The following DCHS2 variants were observed in gnomAD, a reference collection of about 807,000 sequenced individuals.
DCHS2 encodes dachsous cadherin-related 2, also known as protocadherin-23.
In DCHS2, 142 loss-of-function variants were observed where a neutral mutation model predicts 182.4. That is an observed-to-expected ratio of 0.78 (90% CI 0.68 to 0.89). The LOEUF (loss-of-function observed/expected upper bound fraction) is 0.89. Ranked by LOEUF, DCHS2 falls within the 40% of genes least tolerant of loss-of-function variation. DCHS2 has a pLI of 0.00. For synonymous variants in DCHS2, 1,740 were observed against 1,663.3 expected, an observed-to-expected ratio of 1.05 and a Z score of -1.12; for missense variants, 4,319 against 4,198.6, an observed-to-expected ratio of 1.03 and a Z score of -0.79.
Position 154,333,063 on chromosome 4 carries a change from G to A in DCHS2, c.3145C>T (p.Leu1049Phe), listed in dbSNP as rs548645543. Reference protein sequence around the residue: ...GSLGAGEQRELTLTLRAEDQG... With the variant: ...GSLGAGEQREFTLTLRAEDQG... ...TCCTCGGCCCTGAGAGTCAGCGTGA[G>A]CTCCCGCTGCTCGCCCGCGCCCAGG... is the stretch of plus-strand genomic sequence containing the variant. Residue 1049 changes from leucine to phenylalanine, a missense_variant, in exon 5 of 20, where the codon CTC becomes TTC. Leu to Phe is a conservative substitution (Grantham distance 22). Coordinates refer to ENST00000357232, the MANE Select transcript of DCHS2 (RefSeq NM_001358235.2). The A allele has an allele frequency of 3.6e-5, 58 of 1,614,018 alleles. No individual in the cohort carries two copies. The highest frequency in any genetic ancestry group is 1.6e-4 in the Middle Eastern group (1 of 6,062).
chr4:154,358,567 A>G (rs1729977012), intron 3 of DCHS2, among the ~76,000 whole-genome samples: 1 of 152,202 alleles, frequency 6.6e-6, no homozygotes, highest in South Asian at 2.1e-4. Context: ...GGACAAAGAG[A>G]GGCAAATGTT....
chr4:154,439,235 A>G (rs917224172), intron 1 of DCHS2, among the ~76,000 whole-genome samples: 6 of 152,306 alleles, frequency 3.9e-5, no homozygotes, highest in South Asian at 2.1e-4. Flanking sequence ...TATTTATGCC[A>G]GTATTTTTGT....
chr4:154,256,509 T>TA (rs1472374506), intron 15 of DCHS2, among the ~76,000 whole-genome samples: 1 of 129,194 alleles, frequency 7.7e-6, no homozygotes. Flanking sequence ...GTGTAGATCC[T>TA]AATCATGTAT....
chr4:154,277,440 A>G (rs1012706708), intron 13 of DCHS2, among the ~76,000 whole-genome samples: 2 of 152,162 alleles, frequency 1.3e-5, no homozygotes, highest in Non-Finnish European at 2.9e-5. Context: ...AAAGCCCCTC[A>G]GAAAGAAACT....
rs201832802 is a variant in DCHS2 at position 154,240,738 on chromosome 4, C to G, written c.7158G>C (p.Glu2386Asp). The change falls in exon 18 of 20, where the codon GAG (glutamate) becomes GAC (aspartate). Residue 2386 changes from glutamate to aspartate, a missense_variant. By Grantham distance (45) the Glu-to-Asp change is conservative. Coordinates refer to ENST00000357232, the MANE Select transcript of DCHS2 (RefSeq NM_001358235.2). ...NSAFIFSFAK[E>D]SNPGTKFAID... ...TAGCAAACTTGGTTCCAGGATTACT[C>G]TCTTTGGCAAAACTGAATATGAAAG... is the stretch of plus-strand genomic sequence containing the variant. 14 of 1,613,960 alleles carry G rather than the reference C, an allele frequency of 8.7e-6. No homozygotes were observed. The highest frequency in any genetic ancestry group is 8.3e-5 in the Admixed American group (5 of 59,990).
At chr4:154,354,278 C>T (rs1033613037) in intron 3 of DCHS2, among the ~76,000 whole-genome samples, 13 of 152,216 alleles carry the variant, frequency 8.5e-5, no homozygotes, top group African/African-American at 3.1e-4. Flanking sequence ...TTTCATGTTT[C>T]ATGGCTTTAA....
intron 1 of DCHS2, among the ~76,000 whole-genome samples, chr4:154,431,374 T>C (rs973048464): frequency 2.6e-5 from 4 of 152,162 alleles, no homozygotes; most frequent in Non-Finnish European, 5.9e-5. Context: ...TAGTACTGGT[T>C]CAACATACCA....
intron 14 of DCHS2, among the ~76,000 whole-genome samples, chr4:154,260,055 C>G (rs922291745): frequency 6.6e-6 from 1 of 152,138 alleles, no homozygotes; most frequent in Non-Finnish European, 1.5e-5. Context: ...AACTCCTGAC[C>G]TCGTGATTCA....
chr4:154,253,776 T>A (rs1164452739), intron 16 of DCHS2, among the ~76,000 whole-genome samples: 2 of 152,226 alleles, frequency 1.3e-5, no homozygotes, highest in African/African-American at 2.4e-5. Context: ...TTGGGAGGTT[T>A]TCCAGAGGGT....
intron 1 of DCHS2, among the ~76,000 whole-genome samples, chr4:154,438,181 C>A (rs1203275394): frequency 1.3e-5 from 2 of 152,154 alleles, no homozygotes; most frequent in South Asian, 4.1e-4. Flanking sequence ...GCCTGCCCTA[C>A]CTAATACCAA....
intron 12 of DCHS2, 31 bp from the exon 13 acceptor site, chr4:154,298,739 G>T: frequency 6.6e-7 from 1 of 1,526,638 alleles, no homozygotes; most frequent in South Asian, 1.3e-5. Flanking sequence ...AAATTCATTT[G>T]AATTGAAAAA....
chr4:154,262,013 A>G (rs770825246), intron 14 of DCHS2: 2 of 152,168 alleles, frequency 1.3e-5, no homozygotes, highest in Non-Finnish European at 1.5e-5. Context: ...TCTCACCCAG[A>G]TCTCTTGTCT....
intron 1 of DCHS2, among the ~76,000 whole-genome samples, chr4:154,435,898 G>A (rs1472308837): frequency 6.6e-6 from 1 of 152,180 alleles, no homozygotes; most frequent in African/African-American, 2.4e-5. Context: ...CTCAGTGACA[G>A]CAAAAAGTGA....
chr4:154,247,635 CAAAAAAA>C (rs67157369), intron 16 of DCHS2, among the ~76,000 whole-genome samples: 4 of 100,114 alleles, frequency 4.0e-5, no homozygotes, highest in African/African-American at 8.1e-5. Context: ...GACTCCGTCT[CAAAAAAA>C]AAAAAAAAAA....
chr4:154,333,754 C>T (rs746569277), intron 4 of DCHS2: 33 of 476,604 alleles, frequency 6.9e-5, no homozygotes, highest in Admixed American at 1.1e-4. Context: ...AGGTTTGTAG[C>T]CTAGGAGCAA....
intron 1 of DCHS2, among the ~76,000 whole-genome samples, chr4:154,442,262 G>A (rs1734050760): frequency 1.3e-5 from 2 of 152,008 alleles, no homozygotes; most frequent in Non-Finnish European, 2.9e-5. Context: ...TCTCCCCTAC[G>A]TGACTTTCAG....
chr4:154,310,425 C>T (rs903484347), intron 10 of DCHS2, among the ~76,000 whole-genome samples: 1 of 152,190 alleles, frequency 6.6e-6, no homozygotes, highest in Non-Finnish European at 1.5e-5. Context: ...GAGGTTGAGA[C>T]ATTAGGTCTT....
chr4:154,377,200 C>G (rs1341723399), intron 2 of DCHS2, 53 bp downstream of exon 2: 2 of 1,545,584 alleles, frequency 1.3e-6, no homozygotes, highest in East Asian at 4.5e-5. Flanking sequence ...GATGTATACA[C>G]AGTGGCTCAC....
chr4:154,325,009 T>C (rs1009252852), intron 7 of DCHS2, among the ~76,000 whole-genome samples: 4 of 152,212 alleles, frequency 2.6e-5, no homozygotes, highest in South Asian at 4.1e-4. Flanking sequence ...TATTTTTGTA[T>C]TGACATGCCT....
Sources: gnomAD v4.1 joint callset for allele counts (sites outside exome capture counted in the v4.1 genomes callset) on GRCh38, gnomAD v4.1.1 for gene constraint, MANE v1.5 for transcripts, NCBI Gene and HGNC (gene_info 2026-07-23, HGNC 2026-07-21) for gene names.